LEKR1: variants seen among roughly 807,000 people sequenced by gnomAD.
The protein encoded by LEKR1 is leucine, glutamate and lysine rich 1.
A neutral mutation model predicts 72.4 loss-of-function variants in LEKR1; 59 were observed. The ratio of observed to expected loss-of-function variants is 0.82; its 90% CI spans 0.66 to 1.01. The LOEUF (loss-of-function observed/expected upper bound fraction) is 1.01. Ranked by LOEUF, LEKR1 falls within the 50% of genes least tolerant of loss-of-function variation. The pLI is 0.00. For missense variants in LEKR1, 728 were observed against 759.2 expected (o/e 0.96, Z 0.48); for synonymous variants, 257 against 263.2 (o/e 0.98, Z 0.23).
intron 2 of LEKR1, among the ~76,000 whole-genome samples, chr3:156,851,439 T>C (rs1352673539): frequency 6.6e-6 from 1 of 152,146 alleles, no homozygotes; most frequent in Non-Finnish European, 1.5e-5. Context: ...TCATTTGGGA[T>C]GTTAAAATAA....
chr3:156,943,953 A>G (rs998149073), intron 6 of LEKR1, among the ~76,000 whole-genome samples: 2 of 151,676 alleles, frequency 1.3e-5, no homozygotes, highest in African/African-American at 4.8e-5. Flanking sequence ...TTTCTATTGC[A>G]TTATTGGAAT....
intron 5 of LEKR1, among the ~76,000 whole-genome samples, chr3:156,933,875 T>C (rs1218299512): frequency 6.6e-6 from 1 of 152,088 alleles, no homozygotes; most frequent in East Asian, 1.9e-4. Context: ...GGAACAACCC[T>C]CCTCCCTTAG....
chr3:156,868,751 A>T (rs1717590699), intron 3 of LEKR1, among the ~76,000 whole-genome samples: 1 of 151,992 alleles, frequency 6.6e-6, no homozygotes, highest in African/African-American at 2.4e-5. Context: ...TATTAACTAG[A>T]GTCACCTAAC....
At chr3:156,948,992 C>T (rs1008286332) in intron 6 of LEKR1, among the ~76,000 whole-genome samples, 1 of 151,506 alleles carries the variant, frequency 6.6e-6, no homozygotes, top group African/African-American at 2.4e-5. Flanking sequence ...GATCTTTGCC[C>T]ACTTTTTAAT....
chr3:156,856,628 A>C (rs1289574661), intron 3 of LEKR1, among the ~76,000 whole-genome samples: 1 of 152,118 alleles, frequency 6.6e-6, no homozygotes, highest in East Asian at 1.9e-4. Context: ...CCTTCAATAC[A>C]ATTTTATAAT....
At chr3:157,001,732 A>G (rs1247305207) in intron 9 of LEKR1, among the ~76,000 whole-genome samples, 1 of 152,200 alleles carries the variant, frequency 6.6e-6, no homozygotes, top group East Asian at 1.9e-4. Flanking sequence ...TGGCTGGCAT[A>G]AGCTTGAGTT....
At position 156,869,569 on chromosome 3, in the gene LEKR1, G is replaced by GT. The variant is rs573746949; in HGVS notation, c.263+16596dup. Among the ~76,000 whole-genome samples, 672 of 150,236 alleles carry GT rather than the reference G, an allele frequency of 4.5e-3. 4 individuals carry two copies. The highest frequency in any genetic ancestry group is 9.7e-3 in the African/African-American group (398 of 41,020). On this transcript the variant is annotated intron_variant, in intron 3 of 12. Transcript: ENST00000356539. ...ATTATTTGGTTTTTTACTGCTAAGG[G>GT]TTTTTTTTTCTAATTTCTTGTATAT...
chr3:156,852,492 A>G (rs1190831803), intron 2 of LEKR1, among the ~76,000 whole-genome samples: 1 of 152,130 alleles, frequency 6.6e-6, no homozygotes, highest in Non-Finnish European at 1.5e-5. Flanking sequence ...TTTTGGTTTT[A>G]TTTTATGGAA....
At chr3:156,923,814 G>A (rs575742435) in intron 4 of LEKR1, among the ~76,000 whole-genome samples, 8 of 151,438 alleles carry the variant, frequency 5.3e-5, no homozygotes, top group South Asian at 2.1e-4. Context: ...TGCAACCTCC[G>A]CCTCCCAGGT....
chr3:156,899,668 A>ACATATACACG (rs1721769534), intron 3 of LEKR1, among the ~76,000 whole-genome samples: 1 of 140,876 alleles, frequency 7.1e-6, no homozygotes, highest in Admixed American at 7.4e-5. Flanking sequence ...GCATATATAC[A>ACATATACACG]CATATATACA....
chr3:156,979,149 C>T (rs1729957576), intron 6 of LEKR1, 45 bp from the exon 7 acceptor site: 2 of 831,754 alleles, frequency 2.4e-6, no homozygotes, highest in South Asian at 2.8e-5. Context: ...AATATCTGGA[C>T]ACTTAAAATG....
At chr3:157,038,489 C>T (rs1735118622) in intron 12 of LEKR1, among the ~76,000 whole-genome samples, 1 of 152,172 alleles carries the variant, frequency 6.6e-6, no homozygotes, top group Non-Finnish European at 1.5e-5. Context: ...GTAGCTGATA[C>T]TTAACCCTTG....
chr3:156,915,382 G>A (rs1367358941), intron 3 of LEKR1, among the ~76,000 whole-genome samples: 2 of 151,814 alleles, frequency 1.3e-5, no homozygotes, highest in Non-Finnish European at 2.9e-5. Context: ...GAGTGTATAA[G>A]CATTTCCTTT....
chr3:157,020,974 A>G (rs1424910795), intron 10 of LEKR1, among the ~76,000 whole-genome samples: 1 of 151,090 alleles, frequency 6.6e-6, no homozygotes, highest in Non-Finnish European at 1.5e-5. Flanking sequence ...TGCCATTCTA[A>G]CTGGTGGGAG....
intron 4 of LEKR1, among the ~76,000 whole-genome samples, chr3:156,922,215 G>T (rs1371958975): frequency 6.6e-6 from 1 of 151,982 alleles, no homozygotes; most frequent in Non-Finnish European, 1.5e-5. Context: ...ATAGAAAAAG[G>T]TATACTGTTA....
chr3:156,951,650 G>A (rs1036695799), intron 6 of LEKR1, among the ~76,000 whole-genome samples: 5 of 151,672 alleles, frequency 3.3e-5, no homozygotes, highest in African/African-American at 1.2e-4. Context: ...TGTGCATAGA[G>A]GTATTTGTAG....
At chr3:156,972,637 G>A (rs1352985592) in intron 6 of LEKR1, among the ~76,000 whole-genome samples, 1 of 150,588 alleles carries the variant, frequency 6.6e-6, no homozygotes, top group African/African-American at 2.4e-5. Flanking sequence ...AAATTTATAT[G>A]TAATATATAT....
At chr3:156,907,536 T>C (rs1469632011) in intron 3 of LEKR1, among the ~76,000 whole-genome samples, 1 of 152,124 alleles carries the variant, frequency 6.6e-6, no homozygotes, top group Non-Finnish European at 1.5e-5. Flanking sequence ...TAAAATAATA[T>C]TTCATAACTT....
chr3:157,016,184 G>T (rs1733316625), intron 10 of LEKR1, among the ~76,000 whole-genome samples: 1 of 151,916 alleles, frequency 6.6e-6, no homozygotes, highest in Admixed American at 6.6e-5. Context: ...AATAATGACG[G>T]AAAGTTTTAC....
Sources: gnomAD v4.1 joint callset for allele counts (sites outside exome capture counted in the v4.1 genomes callset) on GRCh38, gnomAD v4.1.1 for gene constraint, MANE v1.5 for transcripts, NCBI Gene and HGNC (gene_info 2026-07-23, HGNC 2026-07-21) for gene names.